PTPRD: variants seen among roughly 807,000 people sequenced by gnomAD.
PTPRD encodes protein tyrosine phosphatase receptor type D, also known as receptor-type tyrosine-protein phosphatase delta.
Under a neutral mutation model 214.5 loss-of-function variants are expected in PTPRD, and 34 were observed. That is an observed-to-expected ratio of 0.16 (90% CI 0.12 to 0.21). The LOEUF is 0.21. Among genes scored for constraint, PTPRD ranks in the 10% least tolerant of loss-of-function variants. PTPRD has a pLI of 1.00. For synonymous variants in PTPRD, 1,128 were observed against 845.7 expected, an observed-to-expected ratio of 1.33 and a Z score of -5.79; for missense variants, 2,545 against 2,398.7, an observed-to-expected ratio of 1.06 and a Z score of -1.27.
chr9:9,388,262 A>G (rs1586808874), intron 9 of PTPRD, among the ~76,000 whole-genome samples: 1 of 152,076 alleles, frequency 6.6e-6, no homozygotes. Flanking sequence ...GTGGCAGGCC[A>G]GGGTGGTCTT....
intron 9 of PTPRD, among the ~76,000 whole-genome samples, chr9:9,308,454 A>C (rs996870665): frequency 6.6e-6 from 1 of 152,190 alleles, no homozygotes; most frequent in African/African-American, 2.4e-5. Flanking sequence ...ATATCATGTT[A>C]CTTATTGAAG....
chr9:8,807,798 C>G (rs569085775), intron 11 of PTPRD, among the ~76,000 whole-genome samples: 2 of 152,250 alleles, frequency 1.3e-5, no homozygotes, highest in African/African-American at 4.8e-5. Flanking sequence ...TTCATATCCA[C>G]AGTCCTTCCA....
chr9:8,383,213 T>C (rs758463458), intron 37 of PTPRD, among the ~76,000 whole-genome samples: 2 of 143,698 alleles, frequency 1.4e-5, no homozygotes, highest in Non-Finnish European at 3.0e-5. Context: ...ATTGCCCTTT[T>C]AGCCATAGAA....
intron 7 of PTPRD, among the ~76,000 whole-genome samples, chr9:9,619,351 G>T (rs1376653742): frequency 6.6e-6 from 1 of 151,904 alleles, no homozygotes; most frequent in Non-Finnish European, 1.5e-5. Context: ...AAGGGAGAAA[G>T]TATGAAGAGG....
At chr9:9,589,748 G>A (rs530001229) in intron 7 of PTPRD, among the ~76,000 whole-genome samples, 1 of 151,844 alleles carries the variant, frequency 6.6e-6, no homozygotes. Flanking sequence ...TATTCCATTG[G>A]GTATGCATCC....
At chr9:8,778,482 C>A (rs1162827439) in intron 11 of PTPRD, among the ~76,000 whole-genome samples, 1 of 152,172 alleles carries the variant, frequency 6.6e-6, no homozygotes, top group Non-Finnish European at 1.5e-5. Context: ...AGATTACTAG[C>A]TGCGAATCTG....
intron 9 of PTPRD, among the ~76,000 whole-genome samples, chr9:9,235,134 G>C (rs7851463): frequency 0.12 from 17,733 of 152,120 alleles, 1,318 homozygotes; most frequent in Non-Finnish European, 0.17. Context: ...ACTTCTCAGG[G>C]TGGCGGGAGA....
intron 10 of PTPRD, among the ~76,000 whole-genome samples, chr9:9,077,297 G>A (rs1418198359): frequency 2.0e-5 from 3 of 151,712 alleles, no homozygotes; most frequent in African/African-American, 7.3e-5. Context: ...TTCAAAGATG[G>A]TTTTATTAAT....
chr9:9,552,812 C>T (rs1351866160), intron 8 of PTPRD, among the ~76,000 whole-genome samples: 1 of 152,064 alleles, frequency 6.6e-6, no homozygotes, highest in Non-Finnish European at 1.5e-5. Flanking sequence ...GCTTCATTTC[C>T]TAATACAATT....
intron 8 of PTPRD, among the ~76,000 whole-genome samples, chr9:9,520,283 T>C (rs1036192722): frequency 1.3e-5 from 1 of 76,204 alleles, no homozygotes; most frequent in Admixed American, 1.3e-4. Flanking sequence ...ATATATATAT[T>C]AAGTTATATA....
intron 2 of PTPRD, among the ~76,000 whole-genome samples, chr9:10,450,745 T>C (rs371604120): frequency 6.6e-6 from 1 of 152,038 alleles, no homozygotes; most frequent in African/African-American, 2.4e-5. Flanking sequence ...TTGTTCTTTC[T>C]GTGAAAAGGC....
intron 3 of PTPRD, among the ~76,000 whole-genome samples, chr9:10,063,638 C>CA (rs1267585348): frequency 6.6e-6 from 1 of 151,936 alleles, no homozygotes; most frequent in African/African-American, 2.4e-5. Context: ...ACATTAGTGT[C>CA]ATATGTACTT....
At chr9:8,625,160 G>A (rs758373836) in intron 14 of PTPRD, among the ~76,000 whole-genome samples, 3 of 151,750 alleles carry the variant, frequency 2.0e-5, no homozygotes, top group Non-Finnish European at 4.4e-5. Context: ...AGTAAAAAGT[G>A]CTATGAAGCA....
chr9:8,942,661 A>AT (rs113694326), intron 11 of PTPRD, among the ~76,000 whole-genome samples: 8,254 of 150,528 alleles, frequency 0.055, 481 homozygotes, highest in African/African-American at 0.14. Flanking sequence ...GTCAAAGCTA[A>AT]TTTTTTTTTT....
At chr9:8,803,381 T>A (rs142451446) in intron 11 of PTPRD, among the ~76,000 whole-genome samples, 1 of 152,264 alleles carries the variant, frequency 6.6e-6, no homozygotes, top group East Asian at 1.9e-4. Flanking sequence ...GTGAAATTAG[T>A]TTTGCCGATG....
At chr9:10,284,504 A>T (rs1470654614) in intron 3 of PTPRD, among the ~76,000 whole-genome samples, 1 of 152,220 alleles carries the variant, frequency 6.6e-6, no homozygotes, top group African/African-American at 2.4e-5. Flanking sequence ...TTTCTGTAAG[A>T]GATCACTTAA....
intron 7 of PTPRD, among the ~76,000 whole-genome samples, chr9:9,728,950 C>G (rs1401320694): frequency 6.6e-6 from 1 of 151,796 alleles, no homozygotes; most frequent in Admixed American, 6.6e-5. Context: ...TTTTGGAGGC[C>G]TAAGTTGCCT....
At chr9:8,705,988 A>C (rs1296510009) in intron 12 of PTPRD, among the ~76,000 whole-genome samples, 1 of 152,184 alleles carries the variant, frequency 6.6e-6, no homozygotes, top group Non-Finnish European at 1.5e-5. Context: ...CAAGCCAGGC[A>C]TTCATTTCAA....
intron 10 of PTPRD, among the ~76,000 whole-genome samples, chr9:9,105,474 T>A (rs539463126): frequency 4.6e-5 from 7 of 152,344 alleles, no homozygotes; most frequent in Admixed American, 3.3e-4. Flanking sequence ...GGATGTTCCC[T>A]TTAAAAAATT....
Sources: allele counts gnomAD v4.1 joint callset (sites outside exome capture counted in the v4.1 genomes callset), GRCh38; gene constraint gnomAD v4.1.1; transcripts MANE v1.5; gene names NCBI Gene and HGNC (gene_info 2026-07-23, HGNC 2026-07-21).